Variants in CDC14B observed in about 807,000 individuals in gnomAD.
CDC14B encodes cell division cycle 14B, also known as dual specificity protein phosphatase CDC14B.
A neutral mutation model predicts 64.2 loss-of-function variants in CDC14B; 22 were observed. That is an observed-to-expected ratio of 0.34 (90% confidence interval 0.24 to 0.49). The LOEUF is 0.49. Among genes scored for constraint, CDC14B ranks in the 20% least tolerant of loss-of-function variants. CDC14B has a pLI of 0.99. For missense variants in CDC14B, 498 were observed against 629.9 expected, an observed-to-expected ratio of 0.79 and a Z score of 2.24; for synonymous variants, 191 against 215.8, an observed-to-expected ratio of 0.89 and a Z score of 1.01.
chr9:96,533,772 T>C (rs1230303487), intron 9 of CDC14B, among the ~76,000 whole-genome samples, 155 bp downstream of exon 9: 1 of 152,256 alleles, frequency 6.6e-6, no homozygotes, highest in Non-Finnish European at 1.5e-5. Flanking sequence ...GAAAATAAGT[T>C]ACTATACTTT....
chr9:96,570,836 A>G (rs549921687), intron 1 of CDC14B, among the ~76,000 whole-genome samples: 14 of 152,200 alleles, frequency 9.2e-5, no homozygotes, highest in Non-Finnish European at 1.8e-4. Context: ...ACAAGGTCAC[A>G]AAGCTGCTGG....
At chr9:96,576,275 C>T (rs1429866228) in intron 1 of CDC14B, among the ~76,000 whole-genome samples, 1 of 147,970 alleles carries the variant, frequency 6.8e-6, no homozygotes, top group East Asian at 2.0e-4. Context: ...GCAAAAACTC[C>T]ATCTCAAAAA....
At chr9:96,618,595 C>G in intron 1 of CDC14B, 1 of 532,956 alleles carries the variant, frequency 1.9e-6, no homozygotes, top group Non-Finnish European at 3.8e-6. Flanking sequence ...TCTCGAGGCC[C>G]CGGCGGGGAG....
intron 1 of CDC14B, among the ~76,000 whole-genome samples, chr9:96,612,220 T>C (rs555435087): frequency 1.3e-5 from 2 of 152,330 alleles, no homozygotes; most frequent in African/African-American, 4.8e-5. Flanking sequence ...CTGAGCTCGC[T>C]CTCAGAAGCA....
intron 12 of CDC14B, among the ~76,000 whole-genome samples, chr9:96,510,605 ATTC>A (rs958140741): frequency 2.6e-5 from 4 of 151,330 alleles, no homozygotes; most frequent in Non-Finnish European, 5.9e-5. Flanking sequence ...TTTATATGCA[ATTC>A]TTTTTTTTTT....
chr9:96,562,559 AT>A (rs1182383772), intron 4 of CDC14B, 133 bp downstream of exon 4: 2 of 693,582 alleles, frequency 2.9e-6, no homozygotes, highest in Admixed American at 2.4e-5. Context: ...GAATTGGTCA[AT>A]TTTTTAAAAG....
At chr9:96,495,028 G>T (rs1228914209) in intron 13 of CDC14B, among the ~76,000 whole-genome samples, 1 of 151,644 alleles carries the variant, frequency 6.6e-6, no homozygotes, top group African/African-American at 2.4e-5. Context: ...TAGAGACGGG[G>T]TTTCACCGTG....
chr9:96,527,523 C>T (rs905511547), intron 9 of CDC14B, among the ~76,000 whole-genome samples: 4 of 152,230 alleles, frequency 2.6e-5, no homozygotes, highest in Non-Finnish European at 2.9e-5. Flanking sequence ...AGTACATTCA[C>T]ATTGTTGTAC....
chr9:96,603,807 T>C (rs1846669069), intron 1 of CDC14B, among the ~76,000 whole-genome samples: 1 of 152,104 alleles, frequency 6.6e-6, no homozygotes, highest in Non-Finnish European at 1.5e-5. Flanking sequence ...GAGGAAAGCA[T>C]CCAAAAAGGT....
intron 13 of CDC14B, among the ~76,000 whole-genome samples, 200 bp downstream of exon 13, chr9:96,509,473 T>TA (rs1171466318): frequency 1.3e-5 from 2 of 152,194 alleles, no homozygotes; most frequent in Admixed American, 6.5e-5. Flanking sequence ...GAATTACTTC[T>TA]AAAAAACAAA....
At chr9:96,599,565 C>G (rs1195584639) in intron 1 of CDC14B, among the ~76,000 whole-genome samples, 1 of 152,038 alleles carries the variant, frequency 6.6e-6, no homozygotes, top group African/African-American at 2.4e-5. Context: ...GTATCCTGAA[C>G]AGAACAAAGA....
At position 96,520,269 on chromosome 9, in the gene CDC14B, G is replaced by T. The variant is rs572223610; in HGVS notation, c.1343+2237C>A. Among the ~76,000 whole-genome samples the T allele has an allele frequency of 6.6e-5, 10 of 152,250 alleles. No individual in the cohort carries two copies. In the East Asian group the frequency reaches 1.9e-3, roughly 29 times the overall value. Reference sequence around the variant, plus strand: ...AACTTTGTTATTTGTGTTATGTGGGGCTATTTATATATATTGTTTTTGGGA... The same window carrying T: ...AACTTTGTTATTTGTGTTATGTGGGTCTATTTATATATATTGTTTTTGGGA... On this transcript the variant is annotated intron_variant, in intron 12 of 13. Coordinates refer to ENST00000375241, the MANE Select transcript of CDC14B (RefSeq NM_033331.4).
intron 4 of CDC14B, among the ~76,000 whole-genome samples, chr9:96,562,008 T>G (rs1843275256): frequency 6.6e-6 from 1 of 152,172 alleles, no homozygotes; most frequent in African/African-American, 2.4e-5. Flanking sequence ...CCAAACAAAA[T>G]GTGACTCTTC....
chr9:96,526,668 A>T (rs1203713138), intron 9 of CDC14B, among the ~76,000 whole-genome samples: 1 of 152,240 alleles, frequency 6.6e-6, no homozygotes, highest in African/African-American at 2.4e-5. Flanking sequence ...GATGCAATCA[A>T]ATAAGATCCT....
chr9:96,510,673 T>G (rs913701134), intron 12 of CDC14B, among the ~76,000 whole-genome samples: 3 of 151,684 alleles, frequency 2.0e-5, no homozygotes, highest in Non-Finnish European at 1.5e-5. Flanking sequence ...TGGCGTGATC[T>G]CGACTCACTG....
In CDC14B at chr9:96,522,580, A is replaced by G; in HGVS notation, c.1269T>C (p.Asn423=). ...PEPYSDDDEI[N]GVTQGDRLRA... ...GAAGTCTATCACCTTGTGTCACTCC[A>G]TTGATTTCGTCATCATCACTGTACT... The change falls in exon 12 of 14, where the codon AAT becomes AAC. Residue 423 remains asparagine, a synonymous_variant. Transcript: ENST00000375241. 3 of 1,612,694 alleles carry G rather than the reference A, an allele frequency of 1.9e-6. No individual in the cohort carries two copies. Among genetic ancestry groups the G allele is most frequent in the Non-Finnish European group, 2.5e-6 (3 of 1,178,674 alleles).
chr9:96,508,434 T>C (rs1028568905), intron 13 of CDC14B, among the ~76,000 whole-genome samples: 1 of 152,250 alleles, frequency 6.6e-6, no homozygotes, highest in Admixed American at 6.5e-5. Flanking sequence ...TTCCTGTTTC[T>C]CACTGTTATA....
intron 1 of CDC14B, chr9:96,566,801 C>T: frequency 6.2e-7 from 1 of 1,606,850 alleles, no homozygotes; most frequent in East Asian, 2.2e-5. Flanking sequence ...GCTGCCCCCG[C>T]GCCCTCCCGG....
chr9:96,618,670 G>A, intron 1 of CDC14B: 2 of 514,842 alleles, frequency 3.9e-6, no homozygotes, highest in Admixed American at 2.0e-5. Context: ...AGGCCCAGGA[G>A]AGGGGCTCGG....
Sources: allele counts gnomAD v4.1 joint callset (sites outside exome capture counted in the v4.1 genomes callset), GRCh38; gene constraint gnomAD v4.1.1; transcripts MANE v1.5; gene names NCBI Gene and HGNC (gene_info 2026-07-23, HGNC 2026-07-21).